MYO3A: variants seen among roughly 807,000 people sequenced by gnomAD.
MYO3A encodes the protein myosin IIIA.
In MYO3A, 180 loss-of-function variants were observed where a neutral mutation model predicts 192.7. That is an observed-to-expected ratio of 0.93 (90% CI 0.83 to 1.06). The LOEUF (loss-of-function observed/expected upper bound fraction) is 1.06. Ranked by LOEUF, MYO3A falls within the 50% of genes least tolerant of loss-of-function variation. The probability of loss-of-function intolerance (pLI) is 0.00; values close to 1 mark genes in which losing one functional copy is unlikely to be tolerated. For synonymous variants in MYO3A, 628 were observed against 645.3 expected (o/e 0.97, Z 0.41); for missense variants, 1,896 against 1,905.0 (o/e 1.00, Z 0.09).
chr10:25,938,813 T>C (rs79221221), intron 2 of MYO3A, among the ~76,000 whole-genome samples: 1 of 152,228 alleles, frequency 6.6e-6, no homozygotes, highest in Non-Finnish European at 1.5e-5. Flanking sequence ...TGCATGTATT[T>C]TGGAAAGTTA....
chr10:26,142,653 T>G (rs1474580120), intron 20 of MYO3A, among the ~76,000 whole-genome samples: 3 of 152,224 alleles, frequency 2.0e-5, no homozygotes, highest in African/African-American at 7.2e-5. Flanking sequence ...CAAAGGATTT[T>G]GTGGCTAGGC....
Position 26,205,340 on chromosome 10 carries a change from A to T in MYO3A, c.4730+2233A>T, listed in dbSNP as rs61081003. Reference sequence around the variant, plus strand: ...AACTATAGTCACCATGTTGTACAATAAATCTCTTGAATTTATTCCTCCTGC... The same window carrying T: ...AACTATAGTCACCATGTTGTACAATTAATCTCTTGAATTTATTCCTCCTGC... On this transcript the variant is annotated intron_variant, in intron 34 of 34. Transcript: ENST00000642920. Among the ~76,000 whole-genome samples, 641 of 152,200 alleles carry T rather than the reference A, an allele frequency of 4.2e-3. 3 individuals carry two copies. Among genetic ancestry groups the T allele is most frequent in the African/African-American group, 0.015 (614 of 41,504 alleles).
At chr10:25,960,240 A>C (rs1025547450) in intron 4 of MYO3A, among the ~76,000 whole-genome samples, 1 of 152,132 alleles carries the variant, frequency 6.6e-6, no homozygotes, top group Non-Finnish European at 1.5e-5. Flanking sequence ...TTCATTTGCC[A>C]ACTTTATGCT....
At chr10:26,090,479 G>T (rs934960625) in intron 15 of MYO3A, among the ~76,000 whole-genome samples, 1 of 152,066 alleles carries the variant, frequency 6.6e-6, no homozygotes, top group Non-Finnish European at 1.5e-5. Context: ...TTGCTTATTG[G>T]GGAAAAGCAT....
At chr10:26,100,996 T>G (rs12775931) in intron 17 of MYO3A, among the ~76,000 whole-genome samples, 19,541 of 152,134 alleles carry the variant, frequency 0.13, 1,639 homozygotes, top group East Asian at 0.31. Context: ...GACAGTGGGG[T>G]GTTAAAGTCT....
chr10:26,184,029 G>T (rs1306685019), intron 31 of MYO3A, among the ~76,000 whole-genome samples: 1 of 152,154 alleles, frequency 6.6e-6, no homozygotes, highest in African/African-American at 2.4e-5. Context: ...ACCAGCCTGG[G>T]CAACATAACA....
intron 17 of MYO3A, among the ~76,000 whole-genome samples, chr10:26,109,565 A>G (rs60270776): frequency 6.6e-6 from 1 of 152,212 alleles, no homozygotes; most frequent in African/African-American, 2.4e-5. Context: ...GTTCAGTTCT[A>G]TCTGTGATTT....
rs11014917 is a variant in MYO3A, at chr10:26,026,168, A to T, written c.798-209A>T. Among the ~76,000 whole-genome samples, 21,817 of 152,204 alleles carry T rather than the reference A, an allele frequency of 0.14. 1,843 individuals are homozygous for T. The highest frequency in any genetic ancestry group is 0.36 in the East Asian group (1,861 of 5,158). ...ATCACTGCAGCTTAATCACTCACAG[A>T]TGTGTGCACTTTCACAAACATTTGT... On this transcript the variant is annotated intron_variant, in intron 9 of 34. Transcript: ENST00000642920.
At chr10:25,997,469 C>T (rs1311953018) in intron 6 of MYO3A, among the ~76,000 whole-genome samples, 1 of 152,160 alleles carries the variant, frequency 6.6e-6, no homozygotes, top group Non-Finnish European at 1.5e-5. Flanking sequence ...AGTTTGTGCT[C>T]ATATAACACC....
intron 17 of MYO3A, among the ~76,000 whole-genome samples, chr10:26,098,881 T>A (rs926256662): frequency 6.6e-6 from 1 of 152,144 alleles, no homozygotes; most frequent in Admixed American, 6.6e-5. Flanking sequence ...CTTAGAATTG[T>A]CTTGGCAATG....
At chr10:26,188,792 A>G (rs933385541) in intron 31 of MYO3A, among the ~76,000 whole-genome samples, 8 of 152,296 alleles carry the variant, frequency 5.3e-5, no homozygotes, top group African/African-American at 1.9e-4. Context: ...AAGATCAGAT[A>G]GTTGTAGATA....
Position 26,176,832 on chromosome 10 carries a change from G to A in MYO3A, c.4425G>A (p.Gln1475=). The part of the protein sequence containing the change: ...HKPINRRVSS[Q]QCLSGVCKGE... ...CAATTAATAGACGAGTTTCTTCTCAGCAGTGCCTCTCAGGTAAAAATCAGT... is the reference window on the plus strand; with the variant it reads ...CAATTAATAGACGAGTTTCTTCTCAACAGTGCCTCTCAGGTAAAAATCAGT... The change falls in exon 31 of 35, where the codon CAG becomes CAA. Residue 1475 remains glutamine, a synonymous_variant. Coordinates refer to ENST00000642920, the MANE Select transcript of MYO3A (RefSeq NM_017433.5). The A allele has an allele frequency of 6.2e-7, 1 of 1,614,152 alleles. No homozygotes were observed. The highest frequency in any genetic ancestry group is 8.5e-7 in the Non-Finnish European group (1 of 1,180,008).
intron 6 of MYO3A, among the ~76,000 whole-genome samples, chr10:26,009,312 A>G (rs1841462950): frequency 6.6e-6 from 1 of 152,210 alleles, no homozygotes. Flanking sequence ...CACCAGCACC[A>G]GCATGGCACA....
intron 4 of MYO3A, among the ~76,000 whole-genome samples, chr10:25,987,159 T>C (rs1250446549): frequency 6.6e-6 from 1 of 152,152 alleles, no homozygotes; most frequent in African/African-American, 2.4e-5. Flanking sequence ...GCAAGCCACA[T>C]ATGGAAGAAT....
chr10:26,171,947 A>G (rs1589075045), intron 29 of MYO3A, among the ~76,000 whole-genome samples: 2 of 152,334 alleles, frequency 1.3e-5, no homozygotes, highest in East Asian at 3.9e-4. Context: ...TGTAGCAGAT[A>G]CTTATTAAGA....
intron 14 of MYO3A, among the ~76,000 whole-genome samples, chr10:26,072,046 T>A (rs1835238289): frequency 2.3e-5 from 1 of 43,404 alleles, no homozygotes; most frequent in Non-Finnish European, 7.4e-5. Context: ...AAGGACCCTC[T>A]TCACATGGCA....
intron 18 of MYO3A, 112 bp from the exon 19 acceptor site, chr10:26,125,286 T>C (rs1217158584): frequency 1.1e-6 from 1 of 923,992 alleles, no homozygotes; most frequent in African/African-American, 1.6e-5. Flanking sequence ...TTACATAATC[T>C]CCACACATTT....
intron 6 of MYO3A, among the ~76,000 whole-genome samples, chr10:26,003,709 G>A (rs1316556962): frequency 6.6e-6 from 1 of 152,124 alleles, no homozygotes; most frequent in Non-Finnish European, 1.5e-5. Context: ...GAAAATGAAA[G>A]AGACTAAATT....
At position 26,153,830 on chromosome 10, in the gene MYO3A, A is replaced by G. The variant is rs1367959086; in HGVS notation, c.2636-20A>G. 1.4e-6 allele frequency: 2 copies of G among 1,465,248 alleles called. No individual in the cohort carries two copies. 90.8% of individuals were successfully genotyped at this position (1,465,248 alleles called of 1,614,324 possible). On this transcript the variant is annotated intron_variant, in intron 23 of 34. Transcript: ENST00000642920. ...TTAAGGATTCTAAAAGGTATATTAC[A>G]TTTTTCTACATTCTCATAGGTAATC... is the stretch of plus-strand genomic sequence containing the variant.
Sources: allele counts gnomAD v4.1 joint callset (sites outside exome capture counted in the v4.1 genomes callset), GRCh38; gene constraint gnomAD v4.1.1; transcripts MANE v1.5; gene names NCBI Gene and HGNC (gene_info 2026-07-23, HGNC 2026-07-21).